HSPA4L: variants seen among roughly 807,000 people sequenced by gnomAD.
The protein encoded by HSPA4L is heat shock 70 kDa protein 4L.
In HSPA4L, 48 loss-of-function variants were observed where a neutral mutation model predicts 100.3. That is an observed-to-expected ratio of 0.48 (90% CI 0.38 to 0.61). HSPA4L has a LOEUF of 0.61. Ranked by LOEUF, HSPA4L falls within the 20% of genes least tolerant of loss-of-function variation. The probability of loss-of-function intolerance (pLI) is 0.00; values close to 1 mark genes in which losing one functional copy is unlikely to be tolerated. For missense variants in HSPA4L, 886 were observed against 988.6 expected, an observed-to-expected ratio of 0.90 and a Z score of 1.39; for synonymous variants, 319 against 328.2, an observed-to-expected ratio of 0.97 and a Z score of 0.30.
At chr4:127,832,584 A>G (rs1734110130) in intron 18 of HSPA4L, 99 bp from the exon 19 acceptor site, 1 of 1,028,668 alleles carries the variant, frequency 9.7e-7, no homozygotes, top group South Asian at 1.8e-5. Flanking sequence ...AGAAAGGGGG[A>G]ATTATGTGAA....
chr4:127,829,029 G>T (rs116475242), intron 17 of HSPA4L, among the ~76,000 whole-genome samples: 3,582 of 152,174 alleles, frequency 0.024, 123 homozygotes, highest in African/African-American at 0.082. Context: ...ATAAATTACT[G>T]TAAGTTATGT....
chr4:127,801,301 T>TTA, intron 5 of HSPA4L, 64 bp downstream of exon 5: 4 of 1,198,130 alleles, frequency 3.3e-6, no homozygotes, highest in Non-Finnish European at 4.7e-6. Context: ...TTTCTAATTA[T>TTA]TAACAAAGCA....
chr4:127,786,735 G>A (rs1216914887), intron 1 of HSPA4L, among the ~76,000 whole-genome samples: 2 of 152,216 alleles, frequency 1.3e-5, no homozygotes, highest in South Asian at 2.1e-4. Flanking sequence ...CCAAAGTGCT[G>A]GGATTATAGG....
chr4:127,801,373 G>A (rs1578699064), intron 5 of HSPA4L, 136 bp downstream of exon 5: 2 of 648,024 alleles, frequency 3.1e-6, no homozygotes, highest in East Asian at 5.6e-5. Flanking sequence ...AAGCTGCAGT[G>A]AGCTATGATC....
At chr4:127,797,073 C>T (rs998643346) in intron 3 of HSPA4L, among the ~76,000 whole-genome samples, 1 of 152,016 alleles carries the variant, frequency 6.6e-6, no homozygotes, top group Non-Finnish European at 1.5e-5. Flanking sequence ...GATGATGAAT[C>T]GTAGTAAGGA....
At chr4:127,822,386 A>G (rs1425559406) in intron 14 of HSPA4L, among the ~76,000 whole-genome samples, 3 of 152,160 alleles carry the variant, frequency 2.0e-5, no homozygotes, top group Non-Finnish European at 4.4e-5. Flanking sequence ...TTGTGTTTAT[A>G]TACTTTTTTT....
intron 12 of HSPA4L, among the ~76,000 whole-genome samples, chr4:127,816,926 C>T (rs1226957031): frequency 6.6e-6 from 1 of 152,086 alleles, no homozygotes; most frequent in African/African-American, 2.4e-5. Flanking sequence ...GGCATTGTGA[C>T]CATTTAGCAT....
intron 1 of HSPA4L, among the ~76,000 whole-genome samples, chr4:127,790,632 G>A (rs1732848167): frequency 6.6e-6 from 1 of 152,074 alleles, no homozygotes; most frequent in South Asian, 2.1e-4. Flanking sequence ...TTGCTTGGAT[G>A]CCTCAAACTT....
upstream of HSPA4L, chr4:127,782,138 C>T (rs1732569897): frequency 1.3e-5 from 6 of 451,668 alleles, no homozygotes; most frequent in Admixed American, 1.4e-4. Flanking sequence ...CAGCAGCCTC[C>T]ATTTTCCAGA....
At chr4:127,817,606 TA>T (rs1456235777) in intron 12 of HSPA4L, among the ~76,000 whole-genome samples, 1 of 152,076 alleles carries the variant, frequency 6.6e-6, no homozygotes, top group African/African-American at 2.4e-5. Flanking sequence ...TTTTTAGACA[TA>T]AAAAAATCTT....
chr4:127,784,752 C>T (rs1437467640), intron 1 of HSPA4L, among the ~76,000 whole-genome samples: 3 of 152,216 alleles, frequency 2.0e-5, no homozygotes, highest in Non-Finnish European at 4.4e-5. Context: ...CCTTCCGGGC[C>T]TCAGGACATT....
chr4:127,824,379 G>C (rs543189208), intron 16 of HSPA4L, among the ~76,000 whole-genome samples: 1 of 152,234 alleles, frequency 6.6e-6, no homozygotes, highest in South Asian at 2.1e-4. Context: ...TGCTGGATCT[G>C]TATGTTTTTA....
At chr4:127,798,493 C>T in intron 3 of HSPA4L, 94 bp from the exon 4 acceptor site, 1 of 1,216,296 alleles carries the variant, frequency 8.2e-7, no homozygotes, top group East Asian at 2.4e-5. Context: ...GTCTTTTTCC[C>T]ATTGTATGTC....
At chr4:127,811,309 G>C in intron 11 of HSPA4L, 128 bp from the exon 12 acceptor site, 1 of 683,078 alleles carries the variant, frequency 1.5e-6, no homozygotes, top group Non-Finnish European at 2.6e-6. Context: ...TGATCAATCA[G>C]GATATGATCA....
intron 12 of HSPA4L, among the ~76,000 whole-genome samples, chr4:127,815,457 T>C (rs1018009844): frequency 1.3e-5 from 2 of 150,956 alleles, no homozygotes; most frequent in Admixed American, 6.6e-5. Flanking sequence ...ACGCTGGGGC[T>C]GGAGTTTGAG....
chr4:127,785,498 C>T lies in HSPA4L; in HGVS notation c.107+2841C>T, dbSNP rs578157331. Among the ~76,000 whole-genome samples the T allele has an allele frequency of 5.3e-5, 8 of 151,530 alleles. No homozygotes were observed. The South Asian group carries it at 6.3e-4, about 12-fold the overall frequency. ...TGTTGCCCAGGCTAGAGTGCAGTGG[C>T]GCGTTTTCAGCTCACTGCAACCTCC... On this transcript the variant is annotated intron_variant, in intron 1 of 18. Coordinates refer to ENST00000296464, the MANE Select transcript of HSPA4L (RefSeq NM_014278.4).
In HSPA4L at chr4:127,836,133, C is replaced by A. The variant is rs368339581; in HGVS notation, c.*3259C>A. ...CTGTAATCCCAGCACTTTGGGAGGC[C>A]AAGGCGGGCAGATCACGAGGTCAGG... On this transcript the variant is annotated 3_prime_UTR_variant, in exon 19 of 19. Coordinates refer to ENST00000296464, the MANE Select transcript of HSPA4L (RefSeq NM_014278.4). 1.3e-5 allele frequency: 2 copies of A among 152,032 alleles called. No homozygotes were observed. Among genetic ancestry groups the A allele is most frequent in the East Asian group, 2.0e-4 (1 of 5,126 alleles). The allele number at this position is 152,032 out of a possible 1,614,324, so 9.4% of individuals were successfully genotyped here. A position where few individuals can be genotyped will look rare whatever the true frequency, so the allele number is the denominator to read the frequency against.
rs771640552 is a variant in HSPA4L, at chr4:127,803,692, T to G, written c.727T>G (p.Tyr243Asp). 4.3e-6 allele frequency: 7 copies of G among 1,613,820 alleles called. No individual in the cohort carries two copies. The highest frequency in any genetic ancestry group is 5.9e-6 in the Non-Finnish European group (7 of 1,179,796). Residue 243 changes from tyrosine (Y) to aspartate (D), a missense_variant, in exon 7 of 19, where the codon TAC (tyrosine) becomes GAC (aspartate). Transcript: ENST00000296464. ...GRNFDEALVDYFCDEFKTKYK... is the reference protein window; with the variant it reads ...GRNFDEALVDDFCDEFKTKYK... Reference sequence around the variant, plus strand: ...GAACTTTGATGAGGCTTTAGTAGACTACTTCTGTGATGAGTTCAAGACCAA... The same window carrying G: ...GAACTTTGATGAGGCTTTAGTAGACGACTTCTGTGATGAGTTCAAGACCAA...
At chr4:127,786,965 A>G (rs1732734906) in intron 1 of HSPA4L, among the ~76,000 whole-genome samples, 2 of 152,220 alleles carry the variant, frequency 1.3e-5, no homozygotes, top group African/African-American at 4.8e-5. Context: ...TATAGTCTGT[A>G]ATTAATACTT....
Sources: gnomAD v4.1 joint callset for allele counts (sites outside exome capture counted in the v4.1 genomes callset) on GRCh38, gnomAD v4.1.1 for gene constraint, MANE v1.5 for transcripts, NCBI Gene and HGNC (gene_info 2026-07-23, HGNC 2026-07-21) for gene names.